Variants in MTUS2 observed in about 807,000 individuals in gnomAD.
MTUS2 encodes the protein microtubule-associated tumor suppressor candidate 2.
MTUS2 carries 40 observed loss-of-function variants against 114.1 expected under a neutral mutation model. The ratio of observed to expected loss-of-function variants is 0.35; its 90% CI spans 0.27 to 0.46. MTUS2 has a LOEUF of 0.46. Among genes scored for constraint, MTUS2 ranks in the 20% least tolerant of loss-of-function variants. The pLI is 1.00. For synonymous variants in MTUS2, 688 were observed against 672.0 expected, an observed-to-expected ratio of 1.02 and a Z score of -0.37; for missense variants, 1,679 against 1,705.4, an observed-to-expected ratio of 0.98 and a Z score of 0.27.
intron 1 of MTUS2, among the ~76,000 whole-genome samples, chr13:28,821,628 C>T (rs1056866795): frequency 6.6e-6 from 1 of 152,206 alleles, no homozygotes; most frequent in Admixed American, 6.5e-5. Context: ...CCCTCCTCCA[C>T]CCAGTATTCT....
chr13:29,443,666 T>C (rs1878066913), intron 9 of MTUS2, among the ~76,000 whole-genome samples: 1 of 152,170 alleles, frequency 6.6e-6, no homozygotes, highest in African/African-American at 2.4e-5. Context: ...AATGTGGGGA[T>C]CAACTGTCAA....
intron 2 of MTUS2, among the ~76,000 whole-genome samples, chr13:28,896,329 G>A (rs1031566646): frequency 1.6e-4 from 25 of 152,034 alleles, no homozygotes; most frequent in African/African-American, 2.9e-4. Context: ...AAATACCTAC[G>A]AATCCAACTT....
intron 5 of MTUS2, among the ~76,000 whole-genome samples, chr13:29,161,448 G>C (rs1054632838): frequency 1.3e-5 from 2 of 151,150 alleles, no homozygotes; most frequent in Non-Finnish European, 2.9e-5. Flanking sequence ...ATAATATATA[G>C]TATACGTTAT....
chr13:29,321,125 A>G (rs1271299304), intron 6 of MTUS2, among the ~76,000 whole-genome samples: 2 of 151,474 alleles, frequency 1.3e-5, no homozygotes, highest in East Asian at 1.9e-4. Context: ...GCCTACCTGG[A>G]TTGGAAATCA....
intron 9 of MTUS2, among the ~76,000 whole-genome samples, chr13:29,466,405 G>A (rs987459514): frequency 1.3e-5 from 2 of 152,148 alleles, no homozygotes; most frequent in African/African-American, 2.4e-5. Context: ...AACAATTCAA[G>A]GTGATCTCTT....
chr13:29,112,871 G>T (rs1002929413), intron 5 of MTUS2, among the ~76,000 whole-genome samples: 1 of 152,166 alleles, frequency 6.6e-6, no homozygotes, highest in African/African-American at 2.4e-5. Context: ...TAATTAAGAA[G>T]TAGAGTTTTT....
At chr13:29,441,375 G>A (rs1024465618) in intron 9 of MTUS2, among the ~76,000 whole-genome samples, 1 of 152,186 alleles carries the variant, frequency 6.6e-6, no homozygotes, top group Non-Finnish European at 1.5e-5. Context: ...GACGCTTGCT[G>A]GAGAAGTCTC....
chr13:29,016,367 A>G (rs1004117005), intron 2 of MTUS2, among the ~76,000 whole-genome samples: 16 of 148,548 alleles, frequency 1.1e-4, no homozygotes, highest in Non-Finnish European at 2.2e-4. Flanking sequence ...TTTTTTTTTT[A>G]AGGGTATGCT....
At chr13:29,416,386 A>T (rs763940952) in intron 8 of MTUS2, among the ~76,000 whole-genome samples, 91 of 151,702 alleles carry the variant, frequency 6.0e-4, no homozygotes, top group South Asian at 1.5e-3. Flanking sequence ...TTAGTCTTCA[A>T]CCTTCAATTT....
intron 5 of MTUS2, among the ~76,000 whole-genome samples, chr13:29,113,671 A>AT (rs1280570098): frequency 6.0e-5 from 9 of 149,844 alleles, no homozygotes; most frequent in Non-Finnish European, 7.4e-5. Flanking sequence ...ATCGGTTTGG[A>AT]TTTTTTTTTT....
chr13:28,882,388 C>T (rs1314821141), intron 2 of MTUS2, among the ~76,000 whole-genome samples: 1 of 152,046 alleles, frequency 6.6e-6, no homozygotes, highest in African/African-American at 2.4e-5. Flanking sequence ...AAATGTAAGA[C>T]AATGTCTTAG....
At chr13:28,830,839 C>G (rs1033650812) in intron 1 of MTUS2, among the ~76,000 whole-genome samples, 1 of 152,088 alleles carries the variant, frequency 6.6e-6, no homozygotes, top group Non-Finnish European at 1.5e-5. Context: ...TCATCAGAAA[C>G]TGGAGGCTAG....
chr13:29,131,578 A>C (rs1354408966), intron 5 of MTUS2, among the ~76,000 whole-genome samples: 1 of 152,252 alleles, frequency 6.6e-6, no homozygotes, highest in African/African-American at 2.4e-5. Context: ...TTCCACAAGG[A>C]AACAGGACAG....
intron 5 of MTUS2, among the ~76,000 whole-genome samples, chr13:29,280,599 T>G (rs1361100350): frequency 6.6e-6 from 1 of 152,230 alleles, no homozygotes; most frequent in African/African-American, 2.4e-5. Flanking sequence ...CTAAATACAA[T>G]GTTTAGACTA....
intron 6 of MTUS2, among the ~76,000 whole-genome samples, chr13:29,303,899 C>T (rs1234816488): frequency 6.6e-6 from 1 of 152,110 alleles, no homozygotes; most frequent in Non-Finnish European, 1.5e-5. Context: ...AAGGCCAGGT[C>T]ACCTACAAAG....
At chr13:29,132,899 G>A (rs1891825349) in intron 5 of MTUS2, among the ~76,000 whole-genome samples, 1 of 152,116 alleles carries the variant, frequency 6.6e-6, no homozygotes. Context: ...GCTAGATGAT[G>A]TGGTAATTCT....
chr13:29,357,003 C>T (rs1461739667), intron 7 of MTUS2, among the ~76,000 whole-genome samples: 2 of 152,070 alleles, frequency 1.3e-5, no homozygotes, highest in Non-Finnish European at 1.5e-5. Context: ...GTTCGCTGGC[C>T]CCAGAAGAAG....
chr13:29,217,502 T>A (rs997531462), intron 5 of MTUS2, among the ~76,000 whole-genome samples: 2 of 152,216 alleles, frequency 1.3e-5, no homozygotes, highest in African/African-American at 4.8e-5. Context: ...TACCTTAATT[T>A]AAAAATACTT....
chr13:29,036,779 T>G (rs1044012490), intron 4 of MTUS2, among the ~76,000 whole-genome samples: 3 of 152,126 alleles, frequency 2.0e-5, no homozygotes, highest in Admixed American at 2.0e-4. Context: ...TTTTATCTTT[T>G]TTGATCTTTG....
Sources: allele counts gnomAD v4.1 joint callset (sites outside exome capture counted in the v4.1 genomes callset), GRCh38; gene constraint gnomAD v4.1.1; transcripts MANE v1.5; gene names NCBI Gene and HGNC (gene_info 2026-07-23, HGNC 2026-07-21).